Variants in SIAE observed in about 807,000 individuals in gnomAD.
The protein encoded by SIAE is sialic acid acetylesterase.
SIAE carries 39 observed loss-of-function variants against 52.6 expected under a neutral mutation model. The ratio of observed to expected loss-of-function variants is 0.74; its 90% confidence interval spans 0.57 to 0.97. The LOEUF is 0.97. SIAE is among the 50% of genes least tolerant of loss of function. The pLI, the probability that SIAE is intolerant of heterozygous loss-of-function variation, is 0.00. For missense variants in SIAE, 592 were observed against 662.1 expected, an observed-to-expected ratio of 0.89 and a Z score of 1.16; for synonymous variants, 233 against 241.4, an observed-to-expected ratio of 0.97 and a Z score of 0.32.
chr11:124,656,877 G>A (rs1328567205), intron 3 of SIAE, among the ~76,000 whole-genome samples: 2 of 152,132 alleles, frequency 1.3e-5, no homozygotes, highest in African/African-American at 4.8e-5. Context: ...ACAGGAGGCC[G>A]GGTACGTTCC....
At chr11:124,644,353 GAAAAAAAA>G (rs370589585) in intron 7 of SIAE, among the ~76,000 whole-genome samples, 8,408 of 102,162 alleles carry the variant, frequency 0.082, 346 homozygotes, top group Middle Eastern at 0.13. Context: ...TCTGTGGTGA[GAAAAAAAA>G]AAAAAAAAAA....
upstream of SIAE, chr11:124,675,848 A>G (rs1239178124): frequency 1.9e-5 from 3 of 156,908 alleles, no homozygotes; most frequent in Non-Finnish European, 2.8e-5. Flanking sequence ...TCCATTTGAA[A>G]GTATTTTAAG....
At chr11:124,638,118 C>G (rs1481253541) in intron 9 of SIAE, among the ~76,000 whole-genome samples, 1 of 152,186 alleles carries the variant, frequency 6.6e-6, no homozygotes, top group African/African-American at 2.4e-5. Context: ...AAGAATAAGC[C>G]TCTCAAAGGA....
intron 4 of SIAE, chr11:124,654,242 C>T: frequency 2.0e-6 from 2 of 985,366 alleles, no homozygotes; most frequent in Non-Finnish European, 1.2e-6. Flanking sequence ...GGGAAAACCA[C>T]AGTGCCTAAG....
intron 4 of SIAE, 78 bp downstream of exon 4, chr11:124,654,577 A>G: frequency 6.2e-7 from 1 of 1,612,692 alleles, no homozygotes; most frequent in African/African-American, 1.3e-5. Context: ...ACACATAAGA[A>G]CCAAATTCAG....
rs1001508638 is a variant in SIAE at position 124,635,685 on chromosome 11, A to C, written c.*1266T>G. 1 of 152,134 alleles carries C rather than the reference A, an allele frequency of 6.6e-6. No homozygotes were observed. The highest frequency in any genetic ancestry group is 1.5e-5 in the Non-Finnish European group (1 of 68,012). The allele number at this position is 152,134 out of a possible 1,614,324, so 9.4% of individuals were successfully genotyped here. A position where few individuals can be genotyped will look rare whatever the true frequency, so the allele number is the denominator to read the frequency against. On this transcript the variant is annotated 3_prime_UTR_variant, in exon 10 of 10. Transcript: ENST00000263593. ...TACAGTGAGTGATGCTTTTTGCTTT[A>C]GTTCTCATTTTTCACATTAAGGGGA...
Position 124,639,848 on chromosome 11 carries a change from T to C in SIAE, c.986A>G (p.Lys329Arg), listed in dbSNP as rs778105758. ...GLVQLSSDLSKKSSDDGFPQI... is the reference protein window; with the variant it reads ...GLVQLSSDLSRKSSDDGFPQI... ...GGGAAATCCATCGTCTGAGCTCTTC[T>C]TAGACAAATCTGAAGATAACTAGAA... Residue 329 changes from lysine (K) to arginine (R), a missense_variant, in exon 8 of 10, where the codon AAG becomes AGG. Transcript: ENST00000263593. The C allele has an allele frequency of 1.2e-6, 2 of 1,614,218 alleles. No individual in the cohort carries two copies. The highest frequency in any genetic ancestry group is 1.1e-5 in the South Asian group (1 of 91,088).
intron 4 of SIAE, 41 bp from the exon 5 acceptor site, chr11:124,649,837 G>C: frequency 6.2e-7 from 1 of 1,607,984 alleles, no homozygotes; most frequent in South Asian, 1.1e-5. Flanking sequence ...CCAGAGAAAG[G>C]TTGATGGATA....
intron 2 of SIAE, among the ~76,000 whole-genome samples, chr11:124,666,687 G>A (rs1007723440): frequency 1.3e-5 from 2 of 152,232 alleles, no homozygotes; most frequent in African/African-American, 2.4e-5. Flanking sequence ...GGCAGCTGGA[G>A]CATTACTTGA....
chr11:124,652,250 A>G (rs1591389156), intron 4 of SIAE, among the ~76,000 whole-genome samples: 1 of 152,150 alleles, frequency 6.6e-6, no homozygotes, highest in South Asian at 2.1e-4. Flanking sequence ...GTTACCTTGC[A>G]TGGCGAAAGG....
chr11:124,639,131 T>G lies in SIAE; in HGVS notation c.1125-394A>C, dbSNP rs114161708. ...TTGGTCCCCTAGAGCTTTTATTCAT[T>G]TATTCAATAAATCAATCAAGTTCCT... On this transcript the variant is annotated intron_variant, in intron 8 of 9. Coordinates refer to ENST00000263593, the MANE Select transcript of SIAE (RefSeq NM_170601.5). 6.0e-3 allele frequency among the ~76,000 whole-genome samples: 914 copies of G among 152,324 alleles called. 11 individuals are homozygous for G. The highest frequency in any genetic ancestry group is 0.021 in the African/African-American group (873 of 41,566).
intron 9 of SIAE, 89 bp downstream of exon 9, chr11:124,638,453 C>A: frequency 1.4e-6 from 2 of 1,413,354 alleles, no homozygotes; most frequent in South Asian, 2.4e-5. Context: ...CCCGCCACAT[C>A]GTAATAACAA....
At position 124,670,524 on chromosome 11, in the gene SIAE, T is replaced by C. The variant is rs1943336922; in HGVS notation, c.68-1003A>G. Among the ~76,000 whole-genome samples the C allele has an allele frequency of 6.6e-6, 1 of 152,152 alleles. No homozygotes were observed. Among genetic ancestry groups the C allele is most frequent in the Admixed American group, 6.5e-5 (1 of 15,270 alleles). On this transcript the variant is annotated intron_variant, in intron 1 of 9. Transcript: ENST00000263593. This position sits in a 1 kb window ranked among gnomAD's most constrained non-coding sequence, Gnocchi z 4.5. Reference sequence around the variant, plus strand: ...AAAACAGACCCCAAACTACCTAAAATAATTAACAAAATTTAGATCTTTTTA... The same window carrying C: ...AAAACAGACCCCAAACTACCTAAAACAATTAACAAAATTTAGATCTTTTTA...
chr11:124,674,685 C>T (rs929777132), upstream of SIAE: 1 of 152,226 alleles, frequency 6.6e-6, no homozygotes, highest in African/African-American at 2.4e-5. Flanking sequence ...CATCCCATCC[C>T]TCCCTCACAC....
At position 124,660,748 on chromosome 11, in the gene SIAE, G is replaced by A. The variant is rs147638217; in HGVS notation, c.285C>T (p.Phe95=). 61 of 1,614,044 alleles carry A rather than the reference G, an allele frequency of 3.8e-5. No individual in the cohort carries two copies. Among genetic ancestry groups the A allele is most frequent in the Non-Finnish European group, 5.1e-5 (60 of 1,180,038 alleles). ...CCAAAGTCTGTTGTGCCATCACTTCGAAAGGTCCTCCAGGCTTCATAGGAT... is the reference window on the plus strand; with the variant it reads ...CCAAAGTCTGTTGTGCCATCACTTCAAAAGGTCCTCCAGGCTTCATAGGAT... ...VLDPMKPGGP[F]EVMAQQTLEK... is the part of the protein sequence containing the mutation. Residue 95 remains phenylalanine, a synonymous_variant, in exon 3 of 10, where the codon TTC becomes TTT. Transcript: ENST00000263593.
chr11:124,648,213 A>C (rs759877420), intron 5 of SIAE, 38 bp from the exon 6 acceptor site: 5 of 1,522,360 alleles, frequency 3.3e-6, no homozygotes, highest in Admixed American at 1.7e-5. Flanking sequence ...CCAGAGAGCC[A>C]GTGATTGATC....
intron 8 of SIAE, 131 bp from the exon 9 acceptor site, chr11:124,638,868 G>A: frequency 1.4e-6 from 1 of 730,834 alleles, no homozygotes; most frequent in Non-Finnish European, 2.3e-6. Flanking sequence ...TGTGATCAGT[G>A]GCTAGTCAGC....
intron 8 of SIAE, among the ~76,000 whole-genome samples, chr11:124,638,992 G>A (rs1942799470): frequency 6.6e-6 from 1 of 152,134 alleles, no homozygotes; most frequent in South Asian, 2.1e-4. Flanking sequence ...GTTGGGAGGA[G>A]GGAGGGAGAC....
Position 124,670,882 on chromosome 11 carries a change from T to C in SIAE, c.68-1361A>G, listed in dbSNP as rs1943342893. On this transcript the variant is annotated intron_variant, in intron 1 of 9. Coordinates refer to ENST00000263593, the MANE Select transcript of SIAE (RefSeq NM_170601.5). This position sits in a 1 kb window ranked among gnomAD's most constrained non-coding sequence, Gnocchi z 4.5. The stretch of plus-strand genomic sequence containing the variant: ...AGAAAAGAATACAACGCCCCAGAAT[T>C]GCATAAGCAGGTTGGCAGCCTGCTG... Among the ~76,000 whole-genome samples the C allele has an allele frequency of 6.6e-6, 1 of 152,104 alleles. No homozygotes were observed.
Sources: allele counts gnomAD v4.1 joint callset (sites outside exome capture counted in the v4.1 genomes callset), GRCh38; gene constraint gnomAD v4.1.1; non-coding constraint Gnocchi (gnomAD v3.1); transcripts MANE v1.5; gene names NCBI Gene and HGNC (gene_info 2026-07-23, HGNC 2026-07-21).